Variants in BEND7 observed in about 807,000 individuals in gnomAD.
The protein encoded by BEND7 is BEN domain containing 7.
BEND7 carries 28 observed loss-of-function variants against 50.9 expected under a neutral mutation model. The ratio of observed to expected loss-of-function variants is 0.55; its 90% CI spans 0.41 to 0.75. The LOEUF (loss-of-function observed/expected upper bound fraction) is 0.75, where lower values mean the gene tolerates loss of function less well. BEND7 is among the 30% of genes least tolerant of loss of function. The pLI is 0.00. For missense variants in BEND7, 477 were observed against 491.3 expected (o/e 0.97, Z 0.28); for synonymous variants, 170 against 183.9 (o/e 0.92, Z 0.61).
At chr10:13,516,701 G>C (rs2078700058) in intron 2 of BEND7, among the ~76,000 whole-genome samples, 1 of 152,002 alleles carries the variant, frequency 6.6e-6, no homozygotes, top group Admixed American at 6.6e-5. Flanking sequence ...CTCCAGCTTG[G>C]GTGACACAGC....
intron 6 of BEND7, among the ~76,000 whole-genome samples, chr10:13,457,167 G>A (rs1169980117): frequency 6.6e-6 from 1 of 152,112 alleles, no homozygotes; most frequent in Non-Finnish European, 1.5e-5. Flanking sequence ...GTCCAAATTA[G>A]CACACATTAG....
intron 6 of BEND7, among the ~76,000 whole-genome samples, chr10:13,464,026 A>C (rs2073978347): frequency 6.6e-6 from 1 of 152,266 alleles, no homozygotes; most frequent in South Asian, 2.1e-4. Context: ...TGGTAACAAG[A>C]GATCTTGGCA....
At chr10:13,516,725 A>G (rs1026954145) in intron 2 of BEND7, among the ~76,000 whole-genome samples, 19 of 152,180 alleles carry the variant, frequency 1.2e-4, no homozygotes, top group African/African-American at 4.1e-4. Context: ...ACTCTAACTC[A>G]AAGGAAAAAA....
chr10:13,526,075 T>C (rs542685207), intron 2 of BEND7, 63 bp downstream of exon 2: 4 of 881,678 alleles, frequency 4.5e-6, no homozygotes, highest in Non-Finnish European at 4.7e-6. Flanking sequence ...AATTTCCTTT[T>C]TTCCCCCTAA....
At chr10:13,520,808 C>A (rs1262601284) in intron 2 of BEND7, among the ~76,000 whole-genome samples, 1 of 152,182 alleles carries the variant, frequency 6.6e-6, no homozygotes, top group African/African-American at 2.4e-5. Context: ...CCCGGATGGC[C>A]TAACTACAAA....
intron 2 of BEND7, among the ~76,000 whole-genome samples, chr10:13,508,605 T>C (rs571130181): frequency 6.6e-6 from 1 of 152,344 alleles, no homozygotes; most frequent in Admixed American, 6.5e-5. Flanking sequence ...AGCTGAGAAC[T>C]ACAGATAGAA....
At chr10:13,459,617 A>G (rs1002393393) in intron 6 of BEND7, 7 of 152,234 alleles carry the variant, frequency 4.6e-5, no homozygotes, top group Admixed American at 4.6e-4. Context: ...TAGTCTTGGA[A>G]TGGGTTCTCA....
chr10:13,513,913 A>G (rs59478619), intron 2 of BEND7, among the ~76,000 whole-genome samples: 3,241 of 152,284 alleles, frequency 0.021, 108 homozygotes, highest in African/African-American at 0.072. Flanking sequence ...GGCAACTTTT[A>G]AAAAATAAAA....
intron 6 of BEND7, among the ~76,000 whole-genome samples, chr10:13,453,218 G>A (rs192065770): frequency 6.2e-4 from 95 of 152,134 alleles, no homozygotes; most frequent in Non-Finnish European, 4.4e-5. Flanking sequence ...TCAGCACAAA[G>A]GGGACTAAGG....
At chr10:13,449,611 C>G (rs1837247918) in intron 7 of BEND7, among the ~76,000 whole-genome samples, 1 of 152,150 alleles carries the variant, frequency 6.6e-6, no homozygotes, top group Admixed American at 6.5e-5. Flanking sequence ...AGTTCTAGTT[C>G]ATTTTATATT....
chr10:13,493,713 G>A (rs2076834933), intron 4 of BEND7, among the ~76,000 whole-genome samples: 1 of 152,152 alleles, frequency 6.6e-6, no homozygotes, highest in African/African-American at 2.4e-5. Context: ...TCTCACAGGT[G>A]CACTCTGAGA....
chr10:13,507,404 G>A (rs1170180967), intron 2 of BEND7, among the ~76,000 whole-genome samples: 1 of 152,082 alleles, frequency 6.6e-6, no homozygotes, highest in African/African-American at 2.4e-5. Context: ...AAAGAAATGG[G>A]GTCCAATCCT....
chr10:13,480,731 TG>T, intron 6 of BEND7, 167 bp downstream of exon 6: 1 of 985,428 alleles, frequency 1.0e-6, no homozygotes, highest in South Asian at 4.7e-5. Flanking sequence ...TAGTGGTACT[TG>T]GGGTGGTGAA....
chr10:13,451,996 G>C (rs1485024776), intron 7 of BEND7, among the ~76,000 whole-genome samples: 2 of 152,112 alleles, frequency 1.3e-5, no homozygotes, highest in Admixed American at 6.6e-5. Context: ...TGAAACGGGT[G>C]CTCACTTTTC....
rs2132022379 is a variant in BEND7, at chr10:13,492,791, T to A, written c.657A>T (p.Lys219Asn). Residue 219 changes from lysine (K) to asparagine (N), a missense_variant, in exon 5 of 9, where the codon AAA (lysine) becomes AAT (asparagine). Physicochemically the swap from Lys to Asn is moderately conservative, Grantham distance 94. Transcript: ENST00000466271. ...GTTCCACAGTCTTTGGGGGCACTTT[T>A]TTCTTTTTATTTCTCTTTCGTGAGA... is the stretch of plus-strand genomic sequence containing the variant. ...TAVSRKRNKK[K>N]KVPPKTVEPL... 1 of 1,607,730 alleles carries A rather than the reference T, an allele frequency of 6.2e-7. No individual in the cohort carries two copies. The highest frequency in any genetic ancestry group is 2.2e-5 in the East Asian group (1 of 44,866).
At chr10:13,485,266 A>G (rs59610451) in intron 5 of BEND7, among the ~76,000 whole-genome samples, 4,501 of 152,330 alleles carry the variant, frequency 0.03, 229 homozygotes, top group African/African-American at 0.1. Flanking sequence ...AGGTATTAAT[A>G]AGTAAATTAC....
intron 6 of BEND7, among the ~76,000 whole-genome samples, chr10:13,477,896 C>T (rs578245764): frequency 6.6e-6 from 1 of 152,286 alleles, no homozygotes; most frequent in Admixed American, 6.5e-5. Flanking sequence ...AAGCTTTCAA[C>T]ATGTGTGCAG....
chr10:13,524,276 C>A (rs896593984), intron 2 of BEND7, among the ~76,000 whole-genome samples: 1 of 152,060 alleles, frequency 6.6e-6, no homozygotes, highest in Admixed American at 6.5e-5. Context: ...GTATGGTGAA[C>A]GTAAATTTTC....
intron 2 of BEND7, chr10:13,500,365 T>C: frequency 4.1e-6 from 2 of 484,390 alleles, no homozygotes; most frequent in East Asian, 5.7e-5. Context: ...ATTCCCTCTT[T>C]GGAAGCATTT....
Sources: allele counts gnomAD v4.1 joint callset (sites outside exome capture counted in the v4.1 genomes callset), GRCh38; gene constraint gnomAD v4.1.1; transcripts MANE v1.5; gene names NCBI Gene and HGNC (gene_info 2026-07-23, HGNC 2026-07-21).